DENND10: variants seen among roughly 807,000 people sequenced by gnomAD.
The protein encoded by DENND10 is DENN domain-containing protein 10.
A neutral mutation model predicts 43.6 loss-of-function variants in DENND10; 24 were observed. The observed-to-expected ratio is 0.55, with a 90% CI of 0.40 to 0.77. The LOEUF is 0.77. Ranked by LOEUF, DENND10 falls within the 30% of genes least tolerant of loss-of-function variation. DENND10 has a pLI of 0.00. For missense variants in DENND10, 303 were observed against 429.9 expected (o/e 0.70, Z 2.61); for synonymous variants, 125 against 157.6 (o/e 0.79, Z 1.55).
intron 7 of DENND10, among the ~76,000 whole-genome samples, chr10:119,131,070 G>C (rs977954245): frequency 6.6e-6 from 1 of 152,224 alleles, no homozygotes; most frequent in African/African-American, 2.4e-5. Context: ...TTTGAAGCAT[G>C]TCTTAGTAAG....
At chr10:119,108,497 A>T (rs899282448) in intron 2 of DENND10, among the ~76,000 whole-genome samples, 1 of 64,338 alleles carries the variant, frequency 1.6e-5, no homozygotes, top group Non-Finnish European at 4.1e-5. Flanking sequence ...AAAAAAAAAA[A>T]AGAAAAGAAA....
chr10:119,112,023 C>A, intron 3 of DENND10, 95 bp downstream of exon 3: 1 of 879,330 alleles, frequency 1.1e-6, no homozygotes, highest in Non-Finnish European at 1.9e-6. Context: ...CAAAGTTCAG[C>A]CTTGTGTCTC....
intron 8 of DENND10, chr10:119,133,490 G>A (rs1589749541): frequency 6.6e-6 from 1 of 152,240 alleles, no homozygotes; most frequent in Non-Finnish European, 1.5e-5. Context: ...CACTGGCAGT[G>A]GGGATGCAGT....
At position 119,132,598 on chromosome 10, in the gene DENND10, C is replaced by G; in HGVS notation, c.886C>G (p.His296Asp). The G allele has an allele frequency of 6.2e-7, 1 of 1,613,512 alleles. No individual in the cohort carries two copies. Among genetic ancestry groups the G allele is most frequent in the South Asian group, 1.1e-5 (1 of 91,066 alleles). ...AGAAGATCCAGAGAAATCAGAGAGC[C>G]ACGTTATACAGGTAACTCCCTCACC... ...SAEDPEKSES[H>D]VIQDIALKTR... Residue 296 changes from histidine to aspartate, a missense_variant, in exon 8 of 9, where the codon CAC becomes GAC. Physicochemically the swap from His to Asp is moderately conservative, Grantham distance 81. Coordinates refer to ENST00000361432, the MANE Select transcript of DENND10 (RefSeq NM_207009.4). This position sits in a 1 kb window ranked among gnomAD's most constrained non-coding sequence, Gnocchi z 4.2.
At chr10:119,106,061 G>A (rs1430943745) in intron 1 of DENND10, among the ~76,000 whole-genome samples, 1 of 152,142 alleles carries the variant, frequency 6.6e-6, no homozygotes, top group Non-Finnish European at 1.5e-5. Flanking sequence ...GGGCGTGGTG[G>A]TGCACACCTG....
At chr10:119,104,900 T>G (rs2271361) in intron 1 of DENND10, 143,971 of 152,722 alleles carry the variant, frequency 0.94, 68,356 homozygotes, top group Non-Finnish European at 1. Context: ...TCGCAGTGTA[T>G]CCCAGAGCCC....
intron 3 of DENND10, among the ~76,000 whole-genome samples, chr10:119,116,035 A>AT (rs1383555390): frequency 6.6e-6 from 1 of 152,188 alleles, no homozygotes; most frequent in Admixed American, 6.6e-5. Context: ...AAGTGCCGTG[A>AT]TTACAGGCAT....
At chr10:119,124,735 C>T (rs1237171069) in intron 6 of DENND10, among the ~76,000 whole-genome samples, 1 of 151,936 alleles carries the variant, frequency 6.6e-6, no homozygotes, top group Non-Finnish European at 1.5e-5. Context: ...GCATTAAGTA[C>T]ATTCACGTTG....
intron 1 of DENND10, among the ~76,000 whole-genome samples, chr10:119,107,104 G>T (rs1844730319): frequency 6.6e-6 from 1 of 152,050 alleles, no homozygotes; most frequent in South Asian, 2.1e-4. Flanking sequence ...ATCACCTGAG[G>T]TCAGGAGTTC....
intron 4 of DENND10, among the ~76,000 whole-genome samples, chr10:119,120,113 TG>T (rs34341938): frequency 0.56 from 84,553 of 151,360 alleles, 23,896 homozygotes; most frequent in South Asian, 0.68. Flanking sequence ...CCAGGTGTGG[TG>T]GTGTGTGCCT....
At chr10:119,106,643 A>G (rs1459675268) in intron 1 of DENND10, among the ~76,000 whole-genome samples, 13 of 152,224 alleles carry the variant, frequency 8.5e-5, no homozygotes, top group Non-Finnish European at 1.8e-4. Flanking sequence ...TGGCCTAAAC[A>G]ATTTTAAATA....
At chr10:119,121,304 T>TA (rs34306575) in intron 5 of DENND10, among the ~76,000 whole-genome samples, 93,955 of 151,192 alleles carry the variant, frequency 0.62, 29,596 homozygotes, top group Middle Eastern at 0.7. Flanking sequence ...ATTTTTATTT[T>TA]TTTTATATTT....
intron 8 of DENND10, chr10:119,134,527 A>G (rs1408036532): frequency 2.6e-5 from 4 of 151,326 alleles, no homozygotes; most frequent in African/African-American, 7.3e-5. Flanking sequence ...ATTTTTTTGT[A>G]TTTTTAGTAG....
At chr10:119,116,120 G>C (rs1845259964) in intron 3 of DENND10, among the ~76,000 whole-genome samples, 1 of 151,990 alleles carries the variant, frequency 6.6e-6, no homozygotes, top group Non-Finnish European at 1.5e-5. Context: ...TATCCCACCA[G>C]CTCCTGAAAG....
At chr10:119,108,779 C>A (rs1209995027) in intron 2 of DENND10, among the ~76,000 whole-genome samples, 2 of 151,376 alleles carry the variant, frequency 1.3e-5, no homozygotes, top group Non-Finnish European at 2.9e-5. Context: ...TTCAGCCTCC[C>A]GAGTAGCTGG....
intron 7 of DENND10, among the ~76,000 whole-genome samples, chr10:119,130,346 T>G (rs190237244): frequency 2.1e-3 from 318 of 152,248 alleles, no homozygotes; most frequent in Non-Finnish European, 3.4e-3. Context: ...TTTTAGTTAG[T>G]GATGGGGTTT....
intron 1 of DENND10, among the ~76,000 whole-genome samples, chr10:119,105,991 T>C (rs915769495): frequency 6.6e-6 from 1 of 151,728 alleles, no homozygotes; most frequent in Non-Finnish European, 1.5e-5. Context: ...AGGCTGGGAG[T>C]TGATCAGCCT....
chr10:119,136,053 C>G (rs1368860006), intron 8 of DENND10, among the ~76,000 whole-genome samples: 1 of 152,052 alleles, frequency 6.6e-6, no homozygotes, highest in Non-Finnish European at 1.5e-5. Context: ...TGGCGCATGC[C>G]TGTAGTCCCA....
At chr10:119,122,496 T>TA (rs1316920139) in intron 5 of DENND10, among the ~76,000 whole-genome samples, 1 of 152,178 alleles carries the variant, frequency 6.6e-6, no homozygotes, top group Non-Finnish European at 1.5e-5. Context: ...CATCAGATTT[T>TA]AAGTGAGAGA....
Sources: gnomAD v4.1 joint callset for allele counts (sites outside exome capture counted in the v4.1 genomes callset) on GRCh38, gnomAD v4.1.1 for gene constraint, Gnocchi (gnomAD v3.1) non-coding constraint, MANE v1.5 for transcripts, NCBI Gene and HGNC (gene_info 2026-07-23, HGNC 2026-07-21) for gene names.